The following MAPT variants were observed in gnomAD, a reference collection of about 807,000 sequenced individuals.
MAPT encodes microtubule-associated protein tau.
MAPT carries 34 observed loss-of-function variants against 67.9 expected under a neutral mutation model. The ratio of observed to expected loss-of-function variants is 0.50; its 90% CI spans 0.38 to 0.67. The LOEUF is 0.67. Ranked by LOEUF, MAPT falls within the 30% of genes least tolerant of loss-of-function variation. The pLI, the probability that MAPT is intolerant of heterozygous loss-of-function variation, is 0.00. For synonymous variants in MAPT, 456 were observed against 464.5 expected (o/e 0.98, Z 0.23); for missense variants, 881 against 1,115.2 (o/e 0.79, Z 2.99).
At position 45,983,744 on chromosome 17, in the gene MAPT, G is replaced by C. The variant is rs1463829855; in HGVS notation, c.1165G>C (p.Glu389Gln). 5 of 1,614,046 alleles carry C rather than the reference G, an allele frequency of 3.1e-6. No individual in the cohort carries two copies. The highest frequency in any genetic ancestry group is 1.3e-5 in the African/African-American group (1 of 74,938). Residue 389 changes from glutamate to glutamine, a missense_variant, in exon 5 of 13, where the codon GAG (glutamate) becomes CAG (glutamine). Glu to Gln is a conservative substitution (Grantham distance 29). Around this residue, in one of 6 missense-constraint regions of MAPT, gnomAD observed 687 missense variants for 766.1 expected, o/e 0.90. Coordinates refer to ENST00000262410, the MANE Select transcript of MAPT (RefSeq NM_001377265.1). The stretch of plus-strand genomic sequence containing the variant: ...GGAAATCACACCCAACGTGCAGAAG[G>C]AGCAGGCGCACTCGGAGGAGCATTT... Reference protein sequence around the residue: ...HVEITPNVQKEQAHSEEHLGR... With the variant: ...HVEITPNVQKQQAHSEEHLGR...
chr17:45,940,260 C>G (rs895065490), intron 1 of MAPT, among the ~76,000 whole-genome samples: 2 of 152,174 alleles, frequency 1.3e-5, no homozygotes, highest in Non-Finnish European at 2.9e-5. Flanking sequence ...GTCCTCCTGC[C>G]TTTGGCTTAA....
chr17:45,896,085 T>C lies in MAPT; in HGVS notation c.-18+1399T>C, dbSNP rs1248221978. 3.9e-5 allele frequency: 6 copies of C among 152,276 alleles called. No individual in the cohort carries two copies. Among genetic ancestry groups the C allele is most frequent in the African/African-American group, 1.4e-4 (6 of 41,458 alleles). The allele number at this position is 152,276 out of a possible 1,614,324, so 9.4% of individuals were successfully genotyped here. A position where few individuals can be genotyped will look rare whatever the true frequency, so the allele number is the denominator to read the frequency against. On this transcript the variant is annotated intron_variant, in intron 1 of 12. Transcript: ENST00000262410. This position sits in a 1 kb window ranked among gnomAD's most constrained non-coding sequence, Gnocchi z 5.6. ...CGCCCATGCGCCTCTCTTTCCTTTT[T>C]CGCTCCTCATTTCCGAGCCCATTGT...
chr17:45,994,053 C>T, intron 8 of MAPT: 1 of 1,398,738 alleles, frequency 7.1e-7, no homozygotes, highest in Non-Finnish European at 9.7e-7. Flanking sequence ...GTTTCTAGAG[C>T]CGGGAGGACC....
chr17:45,975,901 C>G (rs150119235), intron 3 of MAPT: 1 of 152,110 alleles, frequency 6.6e-6, no homozygotes, highest in African/African-American at 2.4e-5. Flanking sequence ...AGGAGACTCT[C>G]TCTCTCTCTG....
chr17:46,002,478 G>A (rs903626483), intron 9 of MAPT, among the ~76,000 whole-genome samples: 1 of 152,182 alleles, frequency 6.6e-6, no homozygotes, highest in African/African-American at 2.4e-5. Context: ...AAGGGGGTGT[G>A]CAGGATCATG....
intron 1 of MAPT, among the ~76,000 whole-genome samples, chr17:45,941,641 T>TCCTTCCCCCCTTCCACCCTTCCCC (rs1215322058): frequency 1.4e-5 from 1 of 70,520 alleles, no homozygotes; most frequent in Non-Finnish European, 2.6e-5. Context: ...CCTCTTTCCC[T>TCCTTCCCCCCTTCCACCCTTCCCC]CCTTCCCCCC....
chr17:45,923,615 A>T (rs961383873), intron 1 of MAPT, among the ~76,000 whole-genome samples: 1 of 152,264 alleles, frequency 6.6e-6, no homozygotes, highest in Non-Finnish European at 1.5e-5. Context: ...CTCAGCAAGT[A>T]TCAGCTTTGC....
intron 9 of MAPT, chr17:45,999,194 T>A: frequency 2.6e-6 from 4 of 1,511,846 alleles, no homozygotes; most frequent in Non-Finnish European, 3.5e-6. Flanking sequence ...CTCCAGGAAG[T>A]CTTCCTGGAT....
intron 8 of MAPT, 135 bp downstream of exon 8, chr17:45,991,721 C>T: frequency 8.9e-7 from 1 of 1,129,792 alleles, no homozygotes; most frequent in Non-Finnish European, 1.3e-6. Context: ...TTACTAAGCA[C>T]TGGAGTCTTC....
At chr17:45,911,469 A>G (rs1341632167) in intron 1 of MAPT, among the ~76,000 whole-genome samples, 2 of 151,714 alleles carry the variant, frequency 1.3e-5, no homozygotes, top group Non-Finnish European at 2.9e-5. Context: ...GTCTCAAATG[A>G]CAAAAACAGG....
chr17:45,933,840 A>ATT (rs35907411), intron 1 of MAPT, among the ~76,000 whole-genome samples: 9,598 of 137,742 alleles, frequency 0.07, 916 homozygotes, highest in African/African-American at 0.21. Context: ...ATGTTTTCTG[A>ATT]TTTTTTTTTT....
intron 1 of MAPT, among the ~76,000 whole-genome samples, chr17:45,920,875 A>C (rs1375166978): frequency 6.6e-6 from 1 of 152,008 alleles, no homozygotes; most frequent in African/African-American, 2.4e-5. Flanking sequence ...ACCTTCACCC[A>C]CCTCGCCCCT....
chr17:45,907,118 G>A (rs1348126052), intron 1 of MAPT, among the ~76,000 whole-genome samples: 1 of 152,030 alleles, frequency 6.6e-6, no homozygotes, highest in Non-Finnish European at 1.5e-5. Flanking sequence ...AGCTGGCCTC[G>A]AGCTGCCTGC....
intron 1 of MAPT, among the ~76,000 whole-genome samples, chr17:45,948,975 C>T (rs980032788): frequency 5.5e-4 from 84 of 152,304 alleles, no homozygotes; most frequent in African/African-American, 2.0e-3. Flanking sequence ...GCAAGAGATC[C>T]ATTTAGGGGA....
intron 8 of MAPT, among the ~76,000 whole-genome samples, chr17:45,991,899 C>G (rs973731927): frequency 6.6e-6 from 1 of 152,012 alleles, no homozygotes; most frequent in African/African-American, 2.4e-5. Context: ...ATTCTCCTAC[C>G]TCAGCCTCCC....
At chr17:45,961,733 G>A (rs758996415) in intron 1 of MAPT, among the ~76,000 whole-genome samples, 2 of 151,308 alleles carry the variant, frequency 1.3e-5, no homozygotes, top group South Asian at 2.1e-4. Flanking sequence ...ATAACAAGTC[G>A]GGCCCACCTC....
At chr17:45,967,982 C>T (rs1474062647) in intron 2 of MAPT, among the ~76,000 whole-genome samples, 1 of 152,140 alleles carries the variant, frequency 6.6e-6, no homozygotes, top group East Asian at 1.9e-4. Flanking sequence ...CCATCCGACA[C>T]AGATCTCCTC....
At chr17:45,972,003 G>C (rs1361655470) in intron 3 of MAPT, 58 bp downstream of exon 3, 1 of 1,332,608 alleles carries the variant, frequency 7.5e-7, no homozygotes, top group African/African-American at 1.4e-5. Context: ...GCCGTGCTTT[G>C]AGCCTCCCTC....
At chr17:45,936,516 C>G (rs948520559) in intron 1 of MAPT, among the ~76,000 whole-genome samples, 9 of 152,224 alleles carry the variant, frequency 5.9e-5, no homozygotes, top group African/African-American at 1.9e-4. Flanking sequence ...CTTTATTACA[C>G]AGTGGACATG....
Sources: allele counts gnomAD v4.1 joint callset (sites outside exome capture counted in the v4.1 genomes callset), GRCh38; gene constraint gnomAD v4.1.1; regional missense constraint gnomAD v4.1.1; non-coding constraint Gnocchi (gnomAD v3.1); transcripts MANE v1.5; gene names NCBI Gene and HGNC (gene_info 2026-07-23, HGNC 2026-07-21).